NLGN4Y: variants seen among roughly 807,000 people sequenced by gnomAD.
NLGN4Y encodes the protein neuroligin 4 Y-linked.
Under a neutral mutation model 8.4 loss-of-function variants are expected in NLGN4Y, and 4 were observed. That is an observed-to-expected ratio of 0.48 (90% CI 0.23 to 1.09). The LOEUF is 1.09. Ranked by LOEUF, NLGN4Y falls within the 50% of genes least tolerant of loss-of-function variation. NLGN4Y has a pLI of 0.19. For synonymous variants in NLGN4Y, 35 were observed against 75.6 expected (o/e 0.46, Z 2.78); for missense variants, 90 against 192.3 (o/e 0.47, Z 3.15).
At chrY:14,783,272 C>T (rs2042948753) in intron 4 of NLGN4Y, among the ~76,000 whole-genome samples, 1 of 31,954 alleles carries the variant, frequency 3.1e-5, no homozygotes, top group Non-Finnish European at 7.7e-5. Flanking sequence ...TCTATTATAC[C>T]CCATGGCTTT....
chrY:14,598,793 C>T (rs2080416075), intron 1 of NLGN4Y, among the ~76,000 whole-genome samples: 1 of 29,331 alleles, frequency 3.4e-5, no homozygotes, highest in East Asian at 8.9e-4. Context: ...TCTGCTACTC[C>T]GCTGCTCTAC....
chrY:14,812,430 G>C, intron 4 of NLGN4Y, among the ~76,000 whole-genome samples: 2 of 33,536 alleles, frequency 6.0e-5, no homozygotes, highest in African/African-American at 2.3e-4. Context: ...TTGTTGTTCA[G>C]TTGGTAGAGG....
chrY:14,584,873 G>A, intron 1 of NLGN4Y, among the ~76,000 whole-genome samples: 4 of 32,966 alleles, frequency 1.2e-4, no homozygotes, highest in Non-Finnish European at 3.0e-4. Context: ...GGGATGCTGA[G>A]GTGAGAAGAT....
At chrY:14,733,544 A>G (rs1487746090) in intron 4 of NLGN4Y, 1 of 244,059 alleles carries the variant, frequency 4.1e-6, no homozygotes, top group Admixed American at 1.1e-4. Flanking sequence ...TTGAGTTCAG[A>G]TGCAATCTAT....
intron 1 of NLGN4Y, among the ~76,000 whole-genome samples, chrY:14,604,104 T>C: frequency 3.1e-5 from 1 of 32,588 alleles, no homozygotes; most frequent in East Asian, 8.1e-4. Context: ...ATGTTGAGAG[T>C]GGATGCCACG....
chrY:14,614,243 G>C (rs2080479459), intron 1 of NLGN4Y, among the ~76,000 whole-genome samples: 1 of 33,904 alleles, frequency 2.9e-5, no homozygotes, highest in Non-Finnish European at 7.3e-5. Flanking sequence ...CTTTTGAGAA[G>C]TGTCTGTTCA....
At chrY:14,595,359 A>T (rs963557406) in intron 1 of NLGN4Y, among the ~76,000 whole-genome samples, 14 of 32,715 alleles carry the variant, frequency 4.3e-4, no homozygotes, top group African/African-American at 1.7e-3. Flanking sequence ...AGGCTAGGAT[A>T]TAGGGGTAAG....
rs2080510241 is a variant in NLGN4Y, at chrY:14,622,009, G to A, written c.-111G>A. On this transcript the variant is annotated splice_region_variant and 5_prime_UTR_variant, in exon 2 of 7. Transcript: ENST00000684976. ...CTTGTCTGCTTTCTCCCTCCTTTAG[G>A]TTGCATTGGAGTTTTCGAAAGACTT... 5.2e-6 allele frequency: 1 copy of A among 191,565 alleles called. No individual in the cohort carries two copies. The highest frequency in any genetic ancestry group is 9.7e-6 in the Non-Finnish European group (1 of 103,259). 47.8% of individuals were successfully genotyped at this position (191,565 alleles called of 400,897 possible).
intron 4 of NLGN4Y, among the ~76,000 whole-genome samples, chrY:14,778,301 A>G: frequency 3.0e-5 from 1 of 33,041 alleles, no homozygotes; most frequent in Non-Finnish European, 7.4e-5. Context: ...TTGAGCACAT[A>G]TGGCCTTTAC....
chrY:14,653,573 A>G (rs2080637690), intron 2 of NLGN4Y, among the ~76,000 whole-genome samples: 1 of 32,477 alleles, frequency 3.1e-5, no homozygotes, highest in Non-Finnish European at 7.5e-5. Flanking sequence ...TTTTTGAGAC[A>G]GAGTCTTGCT....
At chrY:14,707,091 GTATATATATATATATATATATATATA>G (rs1460684278) in intron 2 of NLGN4Y, among the ~76,000 whole-genome samples, 1 of 3,887 alleles carries the variant, frequency 2.6e-4, no homozygotes, top group Non-Finnish European at 5.5e-4. Flanking sequence ...AATTTTATGT[GTATATATATATATATATATATATATA>G]TATATATATA....
chrY:14,636,278 A>G (rs2080565232), intron 2 of NLGN4Y, among the ~76,000 whole-genome samples: 1 of 33,862 alleles, frequency 3.0e-5, no homozygotes, highest in African/African-American at 1.1e-4. Flanking sequence ...ATCAAAGAAC[A>G]TGAGGTTTTG....
At chrY:14,810,848 G>A in intron 4 of NLGN4Y, among the ~76,000 whole-genome samples, 1 of 32,734 alleles carries the variant, frequency 3.1e-5, no homozygotes, top group South Asian at 6.9e-4. Context: ...CCAGAGTTTG[G>A]AAATCTGTGG....
chrY:14,697,074 C>T, intron 2 of NLGN4Y, among the ~76,000 whole-genome samples: 1 of 32,606 alleles, frequency 3.1e-5, no homozygotes, highest in Non-Finnish European at 7.5e-5. Context: ...TGGAATATTT[C>T]CTTACAACTC....
At chrY:14,522,675 C>T, upstream of NLGN4Y, 2 of 33,514 alleles carry the variant, frequency 6.0e-5, no homozygotes, top group Admixed American at 5.5e-4. Context: ...CAGCCACTAG[C>T]TCGGCCTTTC....
At chrY:14,612,942 C>T (rs1003086093) in intron 1 of NLGN4Y, among the ~76,000 whole-genome samples, 3 of 33,542 alleles carry the variant, frequency 8.9e-5, no homozygotes, top group Admixed American at 8.2e-4. Flanking sequence ...GGAATTTTAT[C>T]TATAAGCCCC....
At chrY:14,603,949 A>T (rs2080437274) in intron 1 of NLGN4Y, among the ~76,000 whole-genome samples, 1 of 32,752 alleles carries the variant, frequency 3.1e-5, no homozygotes, top group East Asian at 8.1e-4. Context: ...CTCATTCTTA[A>T]CCCCACTATG....
chrY:14,524,804 C>T, intron 1 of NLGN4Y, 96 bp downstream of exon 1: 1 of 121,843 alleles, frequency 8.2e-6, no homozygotes, highest in South Asian at 3.9e-5. Flanking sequence ...TCCGCGGTGG[C>T]GCTCTCTGCC....
chrY:14,794,292 C>A, intron 4 of NLGN4Y, among the ~76,000 whole-genome samples: 1 of 33,220 alleles, frequency 3.0e-5, no homozygotes, highest in Non-Finnish European at 7.4e-5. Context: ...TAAACCTGCC[C>A]AAAGGGTAAC....
Sources: gnomAD v4.1 joint callset for allele counts (sites outside exome capture counted in the v4.1 genomes callset) on GRCh38, gnomAD v4.1.1 for gene constraint, MANE v1.5 for transcripts, NCBI Gene and HGNC (gene_info 2026-07-23, HGNC 2026-07-21) for gene names.